Variants in RIC8B observed in about 807,000 individuals in gnomAD.
The protein encoded by RIC8B is chaperone Ric-8B.
Under a neutral mutation model 57.5 loss-of-function variants are expected in RIC8B, and 16 were observed. That is an observed-to-expected ratio of 0.28 (90% CI 0.19 to 0.42). The LOEUF is 0.42. Among genes scored for constraint, RIC8B ranks in the 10% least tolerant of loss-of-function variants. RIC8B has a pLI of 1.00. For synonymous variants in RIC8B, 216 were observed against 250.8 expected (o/e 0.86, Z 1.31); for missense variants, 481 against 677.0 (o/e 0.71, Z 3.21).
At chr12:106,834,936 A>G (rs946900797) in intron 4 of RIC8B, among the ~76,000 whole-genome samples, 1 of 134,374 alleles carries the variant, frequency 7.4e-6, no homozygotes, top group Non-Finnish European at 1.6e-5. Context: ...GTGAGCTGAG[A>G]TTGCGCCAGT....
At chr12:106,841,702 AAGGCACAGGCATATAAG>A (rs1445302719) in intron 4 of RIC8B, among the ~76,000 whole-genome samples, 8 of 152,174 alleles carry the variant, frequency 5.3e-5, no homozygotes, top group Non-Finnish European at 1.0e-4. Context: ...AGGAAGTTCT[AAGGCACAGGCATATAAG>A]AGCCAGTTAG....
chr12:106,832,512 A>G (rs1373527622), intron 4 of RIC8B, among the ~76,000 whole-genome samples: 2 of 151,650 alleles, frequency 1.3e-5, no homozygotes, highest in Non-Finnish European at 2.9e-5. Flanking sequence ...GATTGCAGTG[A>G]GCTGAGATGG....
At chr12:106,847,303 T>G (rs1949241782) in intron 6 of RIC8B, among the ~76,000 whole-genome samples, 1 of 152,188 alleles carries the variant, frequency 6.6e-6, no homozygotes. Context: ...AAAATTTTGT[T>G]AAAAATTTGT....
intron 6 of RIC8B, among the ~76,000 whole-genome samples, chr12:106,844,543 C>T (rs1949101419): frequency 2.0e-5 from 3 of 152,038 alleles, no homozygotes; most frequent in South Asian, 2.1e-4. Context: ...ATACAGCAGG[C>T]GGTGTAGGAC....
chr12:106,805,713 A>G (rs946868420), intron 2 of RIC8B, among the ~76,000 whole-genome samples: 1 of 152,210 alleles, frequency 6.6e-6, no homozygotes, highest in Non-Finnish European at 1.5e-5. Context: ...AATACTCTGC[A>G]GTAAGTTCCC....
chr12:106,843,884 T>C lies in RIC8B; in HGVS notation c.1098T>C (p.Val366=), dbSNP rs1463685691. Reference sequence around the variant, plus strand: ...GCTATAGAGAGGGTCTAACTCCAGTTCTCAGCTTATTAACCGAATGTTCCC... The same window carrying C: ...GCTATAGAGAGGGTCTAACTCCAGTCCTCAGCTTATTAACCGAATGTTCCC... ...GSSYREGLTP[V]LSLLTECSRA... Residue 366 remains valine (V), a synonymous_variant, in exon 6 of 10, where the codon GTT becomes GTC. Transcript: ENST00000392837. 1.9e-6 allele frequency: 3 copies of C among 1,613,656 alleles called. No individual in the cohort carries two copies. The highest frequency in any genetic ancestry group is 2.5e-6 in the Non-Finnish European group (3 of 1,179,868).
In RIC8B at chr12:106,848,322, G is replaced by T. The variant is rs141757964; in HGVS notation, c.1162-3128G>T. Among the ~76,000 whole-genome samples the T allele has an allele frequency of 2.6e-5, 4 of 152,300 alleles. No homozygotes were observed. In the East Asian group the frequency reaches 7.7e-4, roughly 29 times the overall value. ...TAGTAGAAATGAAGTCAGAGAAGTA[G>T]CAGGAAGCCAGATTATGTGGAATCC... On this transcript the variant is annotated intron_variant, in intron 6 of 9. Coordinates refer to ENST00000392837, the MANE Select transcript of RIC8B (RefSeq NM_001330145.2).
chr12:106,857,469 G>T (rs2136501555), intron 7 of RIC8B, among the ~76,000 whole-genome samples: 1 of 152,264 alleles, frequency 6.6e-6, no homozygotes, highest in Middle Eastern at 3.4e-3. Flanking sequence ...GCACAGTGCT[G>T]CTGTGGTTGG....
At chr12:106,878,757 T>C (rs576830362) in intron 9 of RIC8B, among the ~76,000 whole-genome samples, 1 of 152,146 alleles carries the variant, frequency 6.6e-6, no homozygotes, top group East Asian at 1.9e-4. Context: ...CCTGCCTAAA[T>C]AGCAGCCGCC....
intron 2 of RIC8B, among the ~76,000 whole-genome samples, chr12:106,799,046 T>A (rs1411886515): frequency 6.6e-6 from 1 of 152,220 alleles, no homozygotes; most frequent in Admixed American, 6.5e-5. Context: ...AAATTTTAAA[T>A]TGGGAACATT....
intron 4 of RIC8B, among the ~76,000 whole-genome samples, chr12:106,839,733 G>C (rs182130305): frequency 2.0e-5 from 3 of 152,212 alleles, no homozygotes; most frequent in Non-Finnish European, 2.9e-5. Flanking sequence ...GATTTTGAGG[G>C]GTTTGGGTGC....
At chr12:106,828,322 A>C (rs2046203332) in intron 4 of RIC8B, among the ~76,000 whole-genome samples, 1 of 152,206 alleles carries the variant, frequency 6.6e-6, no homozygotes, top group East Asian at 1.9e-4. Context: ...ACTCCAGGCT[A>C]ATCCATTTAA....
chr12:106,803,723 C>G (rs2044859669), intron 2 of RIC8B, among the ~76,000 whole-genome samples: 1 of 152,290 alleles, frequency 6.6e-6, no homozygotes, highest in Non-Finnish European at 1.5e-5. Context: ...AAACCCTCAG[C>G]CCATTAAATC....
At chr12:106,827,130 G>A (rs911918888) in intron 4 of RIC8B, among the ~76,000 whole-genome samples, 22 of 152,020 alleles carry the variant, frequency 1.4e-4, no homozygotes, top group African/African-American at 4.8e-4. Context: ...AACTATTAAC[G>A]GACTGCTGTA....
At chr12:106,824,528 T>C (rs2046003276) in intron 3 of RIC8B, among the ~76,000 whole-genome samples, 1 of 152,226 alleles carries the variant, frequency 6.6e-6, no homozygotes, top group Non-Finnish European at 1.5e-5. Context: ...GTGAGTTCTA[T>C]ATATGAATAT....
intron 7 of RIC8B, among the ~76,000 whole-genome samples, chr12:106,857,295 A>G (rs1323231215): frequency 6.6e-6 from 1 of 152,164 alleles, no homozygotes; most frequent in Non-Finnish European, 1.5e-5. Flanking sequence ...ACTAGAAGGA[A>G]AAGGATTTTC....
intron 2 of RIC8B, among the ~76,000 whole-genome samples, chr12:106,790,990 A>C (rs1461541636): frequency 6.6e-6 from 1 of 152,190 alleles, no homozygotes; most frequent in Admixed American, 6.5e-5. Flanking sequence ...TTTTCAGCAA[A>C]ATAGGCACCT....
intron 8 of RIC8B, among the ~76,000 whole-genome samples, chr12:106,868,719 A>G (rs1312338397): frequency 6.6e-6 from 1 of 150,946 alleles, no homozygotes; most frequent in Non-Finnish European, 1.5e-5. Context: ...GGAGCACCTG[A>G]TAAAAGAGGA....
intron 2 of RIC8B, among the ~76,000 whole-genome samples, chr12:106,798,233 AT>A (rs1334531671): frequency 1.3e-5 from 2 of 152,066 alleles, no homozygotes. Context: ...TTCCTTTCAA[AT>A]TTTGATCAGA....
Sources: allele counts gnomAD v4.1 joint callset (sites outside exome capture counted in the v4.1 genomes callset), GRCh38; gene constraint gnomAD v4.1.1; transcripts MANE v1.5; gene names NCBI Gene and HGNC (gene_info 2026-07-23, HGNC 2026-07-21).